Variants in WIPF1 observed in about 807,000 individuals in gnomAD.
WIPF1 encodes the protein WAS/WASL-interacting protein family member 1.
Under a neutral mutation model 35.4 loss-of-function variants are expected in WIPF1, and 13 were observed. The observed-to-expected ratio is 0.37, with a 90% CI of 0.24 to 0.58. The LOEUF is 0.58. Among genes scored for constraint, WIPF1 ranks in the 20% least tolerant of loss-of-function variants. WIPF1 has a pLI of 0.74. For synonymous variants in WIPF1, 267 were observed against 266.3 expected, an observed-to-expected ratio of 1.00 and a Z score of -0.02; for missense variants, 591 against 667.0, an observed-to-expected ratio of 0.89 and a Z score of 1.25.
At chr2:174,663,896 G>C (rs577383248) in intron 1 of WIPF1, among the ~76,000 whole-genome samples, 2 of 152,290 alleles carry the variant, frequency 1.3e-5, no homozygotes, top group East Asian at 1.9e-4. Context: ...TCAGGCCTGA[G>C]AGCCATAGAG....
At chr2:174,624,941 T>C (rs1278699334) in intron 1 of WIPF1, among the ~76,000 whole-genome samples, 1 of 152,202 alleles carries the variant, frequency 6.6e-6, no homozygotes, top group Admixed American at 6.5e-5. Context: ...TACAGCGTTC[T>C]GACAACTGGC....
intron 1 of WIPF1, among the ~76,000 whole-genome samples, chr2:174,587,945 T>G (rs149845152): frequency 1.8e-4 from 27 of 152,322 alleles, no homozygotes; most frequent in Middle Eastern, 6.8e-3. Flanking sequence ...TTTTAAAGTC[T>G]GTTTCTTAAA....
chr2:174,580,660 T>C (rs1422230203), intron 3 of WIPF1, among the ~76,000 whole-genome samples: 1 of 152,248 alleles, frequency 6.6e-6, no homozygotes, highest in African/African-American at 2.4e-5. Context: ...ATTCTAGTCA[T>C]GGATTATTTT....
At chr2:174,653,669 G>C (rs373002163) in intron 1 of WIPF1, among the ~76,000 whole-genome samples, 2 of 150,748 alleles carry the variant, frequency 1.3e-5, no homozygotes, top group Admixed American at 1.3e-4. Context: ...GTGAACCTGG[G>C]AGGCGGAGCT....
intron 1 of WIPF1, among the ~76,000 whole-genome samples, chr2:174,667,155 AC>A (rs1196880695): frequency 2.6e-5 from 4 of 152,290 alleles, no homozygotes; most frequent in Middle Eastern, 3.4e-3. Context: ...AGAGCTCACC[AC>A]TGGGGCTGAC....
intron 1 of WIPF1, among the ~76,000 whole-genome samples, chr2:174,628,682 C>T (rs1488502071): frequency 2.6e-5 from 4 of 152,236 alleles, no homozygotes; most frequent in Non-Finnish European, 5.9e-5. Flanking sequence ...CTTTCAGATT[C>T]CCAAGTCCTT....
At chr2:174,641,657 A>C (rs1687296124) in intron 1 of WIPF1, among the ~76,000 whole-genome samples, 1 of 152,200 alleles carries the variant, frequency 6.6e-6, no homozygotes, top group South Asian at 2.1e-4. Flanking sequence ...TGGCTACTCT[A>C]AATACTATTT....
intron 1 of WIPF1, chr2:174,623,558 G>GTCTT (rs1395935311): frequency 6.6e-6 from 1 of 152,158 alleles, no homozygotes; most frequent in African/African-American, 2.4e-5. Flanking sequence ...AGAAGCCACC[G>GTCTT]TCTTTTTATA....
chr2:174,573,602 T>C (rs1285187735), intron 4 of WIPF1, among the ~76,000 whole-genome samples: 1 of 151,826 alleles, frequency 6.6e-6, no homozygotes, highest in Non-Finnish European at 1.5e-5. Flanking sequence ...CAAGAAGGAG[T>C]CAGCCACGGA....
chr2:174,571,796 G>T lies in WIPF1; in HGVS notation c.1009C>A (p.Arg337=), dbSNP rs1255163565. The change falls in exon 5 of 8, where the codon CGG becomes AGG. Residue 337 remains arginine, a synonymous_variant. Transcript: ENST00000679041. This position sits in a 1 kb window ranked among gnomAD's most constrained non-coding sequence, Gnocchi z 4.6. ...GTGGACGAACTGAGGGACAGATTCC[G>T]CTGTGGGAGTCTTGGGGTTTCGTCA... ...GNDETPRLPQ[R]NLSLSSSTPP... 1.2e-6 allele frequency: 2 copies of T among 1,614,110 alleles called. No individual in the cohort carries two copies. The highest frequency in any genetic ancestry group is 1.7e-6 in the Non-Finnish European group (2 of 1,180,044).
At chr2:174,575,756 C>T (rs1472293547) in intron 3 of WIPF1, among the ~76,000 whole-genome samples, 1 of 150,834 alleles carries the variant, frequency 6.6e-6, no homozygotes, top group Non-Finnish European at 1.5e-5. Context: ...GTGGGAGGAT[C>T]GCTTGAGCCA....
rs1051076734 is a variant in WIPF1 at position 174,560,510 on chromosome 2, G to A, written c.*2037C>T. The A allele has an allele frequency of 6.6e-6, 1 of 152,544 alleles. No homozygotes were observed. Among genetic ancestry groups the A allele is most frequent in the Admixed American group, 6.5e-5 (1 of 15,268 alleles). 9.4% of individuals were successfully genotyped at this position (152,544 alleles called of 1,614,324 possible). On this transcript the variant is annotated 3_prime_UTR_variant, in exon 8 of 8. Transcript: ENST00000679041. Reference sequence around the variant, plus strand: ...TATCATAGGGATGTTTTTCACTGTTGAAATCAGATAAAAGAATCCCAAATA... The same window carrying A: ...TATCATAGGGATGTTTTTCACTGTTAAAATCAGATAAAAGAATCCCAAATA...
At chr2:174,621,103 TG>T (rs1686660166) in intron 1 of WIPF1, among the ~76,000 whole-genome samples, 3 of 152,186 alleles carry the variant, frequency 2.0e-5, no homozygotes, top group Admixed American at 2.0e-4. Flanking sequence ...CTCATTCTAA[TG>T]GCAGTACGGG....
chr2:174,570,591 C>T (rs1407901066), intron 5 of WIPF1: 1 of 151,660 alleles, frequency 6.6e-6, no homozygotes, highest in East Asian at 1.9e-4. Context: ...CACCAGGGAG[C>T]TTTTAAATAT....
intron 1 of WIPF1, chr2:174,677,211 A>C (rs1688153332): frequency 6.6e-6 from 1 of 152,224 alleles, no homozygotes; most frequent in Admixed American, 6.5e-5. Flanking sequence ...CTTAGGATCA[A>C]ATTTGTTTCT....
chr2:174,623,743 C>T (rs1686745804), intron 1 of WIPF1, among the ~76,000 whole-genome samples: 1 of 152,184 alleles, frequency 6.6e-6, no homozygotes, highest in Non-Finnish European at 1.5e-5. Flanking sequence ...CATTTTGTGG[C>T]AGGCAGCTTA....
At chr2:174,563,191 G>A (rs1056595247) in intron 7 of WIPF1, among the ~76,000 whole-genome samples, 4 of 152,166 alleles carry the variant, frequency 2.6e-5, no homozygotes, top group African/African-American at 7.2e-5. Context: ...GTGTAAAGTT[G>A]TATCTCACTA....
At chr2:174,680,989 TACAG>T (rs1238776880) in intron 1 of WIPF1, among the ~76,000 whole-genome samples, 5 of 152,140 alleles carry the variant, frequency 3.3e-5, no homozygotes, top group Admixed American at 3.3e-4. Context: ...TTGAACACAT[TACAG>T]ACAATTTTTA....
At chr2:174,664,137 TCACA>T (rs148539035) in intron 1 of WIPF1, among the ~76,000 whole-genome samples, 1 of 151,196 alleles carries the variant, frequency 6.6e-6, no homozygotes, top group East Asian at 1.9e-4. Flanking sequence ...TCCCTCTCTC[TCACA>T]CACACACACA....
Sources: gnomAD v4.1 joint callset for allele counts (sites outside exome capture counted in the v4.1 genomes callset) on GRCh38, gnomAD v4.1.1 for gene constraint, Gnocchi (gnomAD v3.1) non-coding constraint, MANE v1.5 for transcripts, NCBI Gene and HGNC (gene_info 2026-07-23, HGNC 2026-07-21) for gene names.